ARHGAP8: variants seen among roughly 807,000 people sequenced by gnomAD.
ARHGAP8 encodes rho GTPase-activating protein 8.
Under a neutral mutation model 46.1 loss-of-function variants are expected in ARHGAP8, and 62 were observed. The ratio of observed to expected loss-of-function variants is 1.34; its 90% confidence interval spans 1.10 to 1.66. The LOEUF is 1.66. ARHGAP8 is among the 40% of genes most tolerant of loss of function. The pLI, the probability that ARHGAP8 is intolerant of heterozygous loss-of-function variation, is 0.00. For missense variants in ARHGAP8, 923 were observed against 568.4 expected, an observed-to-expected ratio of 1.62 and a Z score of -6.34; for synonymous variants, 375 against 243.1, an observed-to-expected ratio of 1.54 and a Z score of -5.05.
Position 44,862,707 on chromosome 22 carries a change from C to G in ARHGAP8, c.*112C>G. On this transcript the variant is annotated 3_prime_UTR_variant, in exon 12 of 12. Coordinates refer to ENST00000356099, the MANE Select transcript of ARHGAP8 (RefSeq NM_181335.3). ...AACCAGCCATTAGATGAATTCAGAA[C>G]CTTCTAATGAAAACTCCATGCCTCT... 4 of 1,318,396 alleles carry G rather than the reference C, an allele frequency of 3.0e-6. No individual in the cohort carries two copies. The highest frequency in any genetic ancestry group is 4.0e-6 in the Non-Finnish European group (4 of 992,196). The allele number at this position is 1,318,396 out of a possible 1,614,324, so 81.7% of individuals were successfully genotyped here. A position where few individuals can be genotyped will look rare whatever the true frequency, so the allele number is the denominator to read the frequency against.
At chr22:44,795,690 C>T (rs1052306884) in intron 2 of ARHGAP8, among the ~76,000 whole-genome samples, 2 of 152,168 alleles carry the variant, frequency 1.3e-5, no homozygotes, top group African/African-American at 4.8e-5. Flanking sequence ...GGTGCTGGGA[C>T]CTGCGGAAAA....
chr22:44,822,291 A>G (rs1394148595), intron 5 of ARHGAP8, 80 bp from the exon 6 acceptor site: 39 of 1,132,718 alleles, frequency 3.4e-5, no homozygotes, highest in Non-Finnish European at 4.6e-5. Context: ...TCTGCCGCCA[A>G]CTCCCCCTCC....
rs565485539 is a variant in ARHGAP8 at position 44,806,957 on chromosome 22, C to CAAA, written c.168-1336_168-1334dup. Among the ~76,000 whole-genome samples the CAAA allele has an allele frequency of 9.2e-4, 104 of 113,072 alleles. 1 individual carries two copies. In the Middle Eastern group the frequency reaches 0.014, roughly 16 times the overall value. 74.2% of individuals were successfully genotyped at this position (113,072 alleles called of 152,430 possible). On this transcript the variant is annotated intron_variant, in intron 3 of 11. Coordinates refer to ENST00000356099, the MANE Select transcript of ARHGAP8 (RefSeq NM_181335.3). Reference sequence around the variant, plus strand: ...CCAGCCTGGGTGACAGACTCTGTCTCAAAAAAAAAAAAAAAAGAAATCAAA... The same window carrying CAAA: ...CCAGCCTGGGTGACAGACTCTGTCTCAAAAAAAAAAAAAAAAAAAGAAATCAAA...
At chr22:44,799,391 G>A (rs1324938215) in intron 2 of ARHGAP8, among the ~76,000 whole-genome samples, 1 of 152,240 alleles carries the variant, frequency 6.6e-6, no homozygotes, top group Non-Finnish European at 1.5e-5. Flanking sequence ...CATTGCGGAT[G>A]CGGGGGGCAA....
rs534673589 is a variant in ARHGAP8, at chr22:44,816,237, C to T, written c.386+1479C>T. Reference sequence around the variant, plus strand: ...AGACACCGTGTGAGTGGGTGTGACGCTCCGTGTACAGGGAGCACTCAGACA... The same window carrying T: ...AGACACCGTGTGAGTGGGTGTGACGTTCCGTGTACAGGGAGCACTCAGACA... On this transcript the variant is annotated intron_variant, in intron 5 of 11. Coordinates refer to ENST00000356099, the MANE Select transcript of ARHGAP8 (RefSeq NM_181335.3). Among the ~76,000 whole-genome samples the T allele has an allele frequency of 2.6e-5, 4 of 152,292 alleles. No individual in the cohort carries two copies. The South Asian group carries it at 8.3e-4, about 32-fold the overall frequency.
intron 1 of ARHGAP8, among the ~76,000 whole-genome samples, chr22:44,759,874 G>T (rs1213753635): frequency 6.6e-6 from 1 of 152,256 alleles, no homozygotes; most frequent in South Asian, 2.1e-4. Flanking sequence ...GGGTGTGCAG[G>T]TGAGAGTTGC....
intron 7 of ARHGAP8, among the ~76,000 whole-genome samples, chr22:44,838,526 G>T (rs925004819): frequency 1.3e-5 from 2 of 151,456 alleles, no homozygotes; most frequent in Non-Finnish European, 2.9e-5. Flanking sequence ...CACCCACCCC[G>T]GCCTCCCAAA....
At chr22:44,808,478 G>T (rs1382566447) in intron 4 of ARHGAP8, 40 bp downstream of exon 4, 2 of 1,607,912 alleles carry the variant, frequency 1.2e-6, no homozygotes, top group Non-Finnish European at 1.7e-6. Context: ...GGTGTGGGCT[G>T]CTTGTGGCAG....
chr22:44,829,844 T>G (rs1326074796), intron 7 of ARHGAP8, among the ~76,000 whole-genome samples: 1 of 152,092 alleles, frequency 6.6e-6, no homozygotes, highest in African/African-American at 2.4e-5. Flanking sequence ...GTTAATATAT[T>G]AAAGGGAAGT....
At chr22:44,774,518 A>ATTTTTTTTTTTTTTTTTTTTTTTTTTTTT (rs132473) in intron 1 of ARHGAP8, among the ~76,000 whole-genome samples, 2 of 119,504 alleles carry the variant, frequency 1.7e-5, no homozygotes, top group Non-Finnish European at 3.5e-5. Context: ...TCTTTGGGAG[A>ATTTTTTTTTTTTTTTTTTTTTTTTTTTTT]TTTTTTTTTT....
At chr22:44,806,209 C>T (rs563101044) in intron 3 of ARHGAP8, among the ~76,000 whole-genome samples, 5 of 152,264 alleles carry the variant, frequency 3.3e-5, no homozygotes, top group Admixed American at 6.5e-5. Flanking sequence ...GTGGAAGTCT[C>T]GACCTGGGTT....
rs2070025260 is a variant in ARHGAP8, at chr22:44,848,862, A to G, written c.749-70A>G. ...CCGGACATCTCACGCCCTGTGTCTC[A>G]GAGCTCGTTCTGCAGCGGCAGTGCC... On this transcript the variant is annotated intron_variant, in intron 9 of 11. Coordinates refer to ENST00000356099, the MANE Select transcript of ARHGAP8 (RefSeq NM_181335.3). 3.1e-6 allele frequency: 5 copies of G among 1,598,592 alleles called. No homozygotes were observed. The East Asian group carries it at 1.1e-4, about 36-fold the overall frequency.
At chr22:44,786,660 C>T (rs1378272429) in intron 2 of ARHGAP8, 54 bp downstream of exon 2, 12 of 1,564,340 alleles carry the variant, frequency 7.7e-6, no homozygotes, top group South Asian at 2.4e-5. Flanking sequence ...GCCTTCCTCT[C>T]GGCAACTTTG....
At chr22:44,813,958 G>T (rs920481221) in intron 4 of ARHGAP8, among the ~76,000 whole-genome samples, 1 of 152,106 alleles carries the variant, frequency 6.6e-6, no homozygotes. Flanking sequence ...CTGACCCCAC[G>T]CAGGCCATGT....
intron 2 of ARHGAP8, among the ~76,000 whole-genome samples, chr22:44,788,722 T>C (rs1927458848): frequency 6.6e-6 from 1 of 152,158 alleles, no homozygotes; most frequent in African/African-American, 2.4e-5. Context: ...TGAATAAATA[T>C]TTTTGAATTT....
chr22:44,810,972 G>A (rs1273927667), intron 4 of ARHGAP8, among the ~76,000 whole-genome samples: 1 of 152,174 alleles, frequency 6.6e-6, no homozygotes. Context: ...GCCCTGTCTT[G>A]AGCTAAAGCA....
intron 10 of ARHGAP8, among the ~76,000 whole-genome samples, chr22:44,855,411 C>T (rs1290735513): frequency 6.6e-6 from 1 of 152,050 alleles, no homozygotes; most frequent in Non-Finnish European, 1.5e-5. Context: ...GTGATCTCCC[C>T]ACCTCAGCCT....
chr22:44,752,781 G>A (rs952832762), intron 1 of ARHGAP8, 154 bp downstream of exon 1: 1 of 151,836 alleles, frequency 6.6e-6, no homozygotes, highest in African/African-American at 2.4e-5. Context: ...GTGCGGCCGG[G>A]GGGAGACCCT....
chr22:44,851,778 A>G (rs1461844451), intron 10 of ARHGAP8, among the ~76,000 whole-genome samples: 1 of 152,080 alleles, frequency 6.6e-6, no homozygotes, highest in Non-Finnish European at 1.5e-5. Flanking sequence ...GTTGGAGGCT[A>G]CAGTGAGCCA....
Sources: allele counts gnomAD v4.1 joint callset (sites outside exome capture counted in the v4.1 genomes callset), GRCh38; gene constraint gnomAD v4.1.1; transcripts MANE v1.5; gene names NCBI Gene and HGNC (gene_info 2026-07-23, HGNC 2026-07-21).